The following IPCEF1 variants were observed in gnomAD, a reference collection of about 807,000 sequenced individuals.
IPCEF1 encodes interaction protein for cytohesin exchange factors 1, also known as interactor protein for cytohesin exchange factors 1.
In IPCEF1, 31 loss-of-function variants were observed where a neutral mutation model predicts 50.9. The observed-to-expected ratio is 0.61, with a 90% CI of 0.46 to 0.82. IPCEF1 has a LOEUF of 0.82. IPCEF1 is among the 40% of genes least tolerant of loss of function. The pLI is 0.00. For missense variants in IPCEF1, 458 were observed against 514.0 expected (o/e 0.89, Z 1.05); for synonymous variants, 181 against 192.0 (o/e 0.94, Z 0.47).
At chr6:154,312,655 A>C (rs1425751329) in intron 1 of IPCEF1, among the ~76,000 whole-genome samples, 2 of 151,928 alleles carry the variant, frequency 1.3e-5, no homozygotes. Context: ...CAGAATCAAA[A>C]CTTTTATTTG....
rs1562560427 is a variant in IPCEF1 at position 154,238,929 on chromosome 6, T to TAA, written c.246+7661_246+7662insTT. Among the ~76,000 whole-genome samples the TAA allele has an allele frequency of 7.1e-3, 1,077 of 151,770 alleles. 11 individuals carry two copies. The highest frequency in any genetic ancestry group is 0.024 in the African/African-American group (995 of 41,334). On this transcript the variant is annotated intron_variant, in intron 5 of 11. Coordinates refer to ENST00000367220, the MANE Select transcript of IPCEF1 (RefSeq NM_001130700.2). ...GTTGGATTCTATATTGTTGTTTTTT[T>TAA]TAAAAAAAAAAAGAAGTTGTGGAAA... is the stretch of plus-strand genomic sequence containing the variant.
At chr6:154,325,956 T>C (rs930737098) in intron 1 of IPCEF1, among the ~76,000 whole-genome samples, 2 of 152,200 alleles carry the variant, frequency 1.3e-5, no homozygotes, top group Non-Finnish European at 2.9e-5. Flanking sequence ...CTGGGCACAG[T>C]GGCTCACGCT....
intron 1 of IPCEF1, among the ~76,000 whole-genome samples, chr6:154,326,045 G>A (rs1426804839): frequency 1.3e-5 from 2 of 151,874 alleles, no homozygotes; most frequent in Non-Finnish European, 2.9e-5. Context: ...GGACAACATG[G>A]CAAAACCCCA....
In IPCEF1 at chr6:154,354,390, A is replaced by T. The variant is rs981478343; in HGVS notation, c.-62+2282T>A. Among the ~76,000 whole-genome samples, 88 of 31,042 alleles carry T rather than the reference A, an allele frequency of 2.8e-3. 1 individual carries two copies. The highest frequency in any genetic ancestry group is 0.025 in the East Asian group (54 of 2,132). The allele number at this position is 31,042 out of a possible 152,430, so 20.4% of individuals were successfully genotyped here. ...TCTACCATCTGTCACCTCCACCGTCACCTCCAACCACCATCTCCACCACCA... is the reference window on the plus strand; with the variant it reads ...TCTACCATCTGTCACCTCCACCGTCTCCTCCAACCACCATCTCCACCACCA... On this transcript the variant is annotated intron_variant, in intron 1 of 11. Coordinates refer to ENST00000367220, the MANE Select transcript of IPCEF1 (RefSeq NM_001130700.2).
intron 2 of IPCEF1, among the ~76,000 whole-genome samples, chr6:154,275,918 G>A (rs1469074965): frequency 6.6e-6 from 1 of 152,130 alleles, no homozygotes; most frequent in Non-Finnish European, 1.5e-5. Flanking sequence ...AGTGACTCAC[G>A]CCTGTAATCC....
chr6:154,334,454 A>G (rs1009901589), intron 1 of IPCEF1, among the ~76,000 whole-genome samples: 19 of 148,570 alleles, frequency 1.3e-4, no homozygotes, highest in African/African-American at 3.4e-4. Flanking sequence ...AGAAAGCCTA[A>G]CTATAAGGCA....
chr6:154,225,093 T>C (rs1009686447), intron 5 of IPCEF1, among the ~76,000 whole-genome samples: 6 of 152,196 alleles, frequency 3.9e-5, no homozygotes, highest in Non-Finnish European at 8.8e-5. Context: ...TGCCTTATAT[T>C]TCAGAATTTT....
intron 3 of IPCEF1, among the ~76,000 whole-genome samples, chr6:154,251,174 C>T (rs1028381027): frequency 6.6e-6 from 1 of 152,124 alleles, no homozygotes; most frequent in Non-Finnish European, 1.5e-5. Flanking sequence ...ATACTTAATA[C>T]ATTAATTGAA....
intron 10 of IPCEF1, among the ~76,000 whole-genome samples, chr6:154,196,616 T>C (rs1427604604): frequency 6.6e-6 from 1 of 152,218 alleles, no homozygotes; most frequent in Admixed American, 6.5e-5. Context: ...GTGTGTGTTG[T>C]ACATATGTGA....
intron 1 of IPCEF1, among the ~76,000 whole-genome samples, chr6:154,296,831 A>G (rs1397803267): frequency 6.7e-6 from 1 of 148,880 alleles, no homozygotes; most frequent in South Asian, 2.1e-4. Flanking sequence ...TCCGTCTCAA[A>G]AAAAAAAAAA....
chr6:154,180,551 T>C (rs1446731365), intron 10 of IPCEF1, among the ~76,000 whole-genome samples: 1 of 152,008 alleles, frequency 6.6e-6, no homozygotes, highest in Non-Finnish European at 1.5e-5. Context: ...TCCTCTTCCA[T>C]ACCCCAGTCT....
chr6:154,170,843 G>T (rs970562376), intron 10 of IPCEF1, among the ~76,000 whole-genome samples: 3 of 152,164 alleles, frequency 2.0e-5, no homozygotes, highest in African/African-American at 7.2e-5. Flanking sequence ...TTGTTAGTGG[G>T]AATGTAAAAC....
Position 154,156,674 on chromosome 6 carries a change from T to A in IPCEF1, c.*3154A>T, listed in dbSNP as rs905948161. The A allele has an allele frequency of 1.4e-4, 21 of 152,226 alleles. No homozygotes were observed. The highest frequency in any genetic ancestry group is 4.8e-4 in the African/African-American group (20 of 41,454). The allele number at this position is 152,226 out of a possible 1,614,324, so 9.4% of individuals were successfully genotyped here. On this transcript the variant is annotated 3_prime_UTR_variant, in exon 12 of 12. Coordinates refer to ENST00000367220, the MANE Select transcript of IPCEF1 (RefSeq NM_001130700.2). ...GCTTCCTGGAGTCTTTGTAATCCTA[T>A]ACTTTAGGAGTCTTTCTAGGCCTTT...
At chr6:154,299,610 G>A (rs1288087288) in intron 1 of IPCEF1, among the ~76,000 whole-genome samples, 1 of 140,112 alleles carries the variant, frequency 7.1e-6, no homozygotes, top group Non-Finnish European at 1.6e-5. Context: ...GGGAGGTGTG[G>A]GTACTGAGAA....
At chr6:154,272,759 G>C (rs551476300) in intron 2 of IPCEF1, among the ~76,000 whole-genome samples, 13 of 152,278 alleles carry the variant, frequency 8.5e-5, no homozygotes, top group Non-Finnish European at 1.6e-4. Context: ...AGTTATTTAA[G>C]ATAGAAATAT....
chr6:154,237,381 C>T (rs1037058409), intron 5 of IPCEF1, among the ~76,000 whole-genome samples: 5 of 152,130 alleles, frequency 3.3e-5, no homozygotes, highest in African/African-American at 1.2e-4. Flanking sequence ...TACACGGGGT[C>T]GGTAGGTGTA....
At chr6:154,213,241 C>T (rs1047503384) in intron 8 of IPCEF1, 1 of 202,824 alleles carries the variant, frequency 4.9e-6, no homozygotes, top group African/African-American at 2.3e-5. Context: ...TGGTGCACAA[C>T]TTGTGAAGGG....
chr6:154,328,336 C>A (rs1165828401), intron 1 of IPCEF1, among the ~76,000 whole-genome samples: 1 of 152,120 alleles, frequency 6.6e-6, no homozygotes, highest in Non-Finnish European at 1.5e-5. Flanking sequence ...AAAAAGGGAT[C>A]CTTGGCCAAT....
chr6:154,194,128 G>T (rs576069347), intron 10 of IPCEF1, among the ~76,000 whole-genome samples: 2 of 152,294 alleles, frequency 1.3e-5, no homozygotes, highest in African/African-American at 4.8e-5. Context: ...CTAAAATCAC[G>T]GTGGCTCATG....
Sources: gnomAD v4.1 joint callset for allele counts (sites outside exome capture counted in the v4.1 genomes callset) on GRCh38, gnomAD v4.1.1 for gene constraint, MANE v1.5 for transcripts, NCBI Gene and HGNC (gene_info 2026-07-23, HGNC 2026-07-21) for gene names.